Variants in RAB27B observed in about 807,000 individuals in gnomAD.
RAB27B encodes the protein ras-related protein Rab-27B.
RAB27B carries 15 observed loss-of-function variants against 24.6 expected under a neutral mutation model. The ratio of observed to expected loss-of-function variants is 0.61; its 90% CI spans 0.41 to 0.94. The LOEUF (loss-of-function observed/expected upper bound fraction) is 0.94. RAB27B is among the 40% of genes least tolerant of loss of function. The pLI is 0.00. For synonymous variants in RAB27B, 105 were observed against 92.5 expected (o/e 1.14, Z -0.78); for missense variants, 261 against 266.8 (o/e 0.98, Z 0.15).
At chr18:54,776,815 T>G (rs1226422064) in intron 2 of RAB27B, among the ~76,000 whole-genome samples, 1 of 152,090 alleles carries the variant, frequency 6.6e-6, no homozygotes, top group African/African-American at 2.4e-5. Flanking sequence ...TCCCAGCACT[T>G]TGGGAGGCCA....
chr18:54,723,167 G>A (rs563091657), intron 2 of RAB27B, among the ~76,000 whole-genome samples: 7 of 152,188 alleles, frequency 4.6e-5, no homozygotes, highest in African/African-American at 1.4e-4. Flanking sequence ...AAGAGCAAAG[G>A]CTCTTGCTGG....
At chr18:54,793,439 A>T (rs1022876884) in intron 2 of RAB27B, among the ~76,000 whole-genome samples, 2 of 152,208 alleles carry the variant, frequency 1.3e-5, no homozygotes, top group Non-Finnish European at 2.9e-5. Context: ...GATAGGCGAT[A>T]AAGGACAAGA....
At chr18:54,784,259 T>G (rs535690018) in intron 2 of RAB27B, among the ~76,000 whole-genome samples, 140 of 152,366 alleles carry the variant, frequency 9.2e-4, no homozygotes, top group African/African-American at 3.2e-3. Flanking sequence ...CCATCATAAC[T>G]GGCCTTCACC....
chr18:54,874,665 A>G (rs74912243), intron 1 of RAB27B, among the ~76,000 whole-genome samples: 3,258 of 152,256 alleles, frequency 0.021, 117 homozygotes, highest in African/African-American at 0.073. Flanking sequence ...ACGAAATCCA[A>G]TGTCTTCAAT....
Position 54,728,481 on chromosome 18 carries a change from C to G in RAB27B, c.-20+10340C>G, listed in dbSNP as rs747095749. On this transcript the variant is annotated intron_variant, in intron 2 of 4. Coordinates refer to the RAB27B transcript ENST00000586570. ...TTAAATCTCTCAGAAATAGAGCAAACTGGGAAAATTATCAAGTGAAAACTA... is the reference window on the plus strand; with the variant it reads ...TTAAATCTCTCAGAAATAGAGCAAAGTGGGAAAATTATCAAGTGAAAACTA... Among the ~76,000 whole-genome samples, 33 of 152,132 alleles carry G rather than the reference C, an allele frequency of 2.2e-4. 1 individual carries two copies. Among genetic ancestry groups the G allele is most frequent in the Non-Finnish European group, 4.1e-4 (28 of 68,032 alleles).
chr18:54,807,375 C>G (rs998358457), intron 2 of RAB27B, among the ~76,000 whole-genome samples: 2 of 152,144 alleles, frequency 1.3e-5, no homozygotes, highest in African/African-American at 4.8e-5. Context: ...ATAAACCTTT[C>G]CTTGAGGGTT....
chr18:54,845,233 C>T (rs933903029), intron 1 of RAB27B, among the ~76,000 whole-genome samples: 3 of 151,702 alleles, frequency 2.0e-5, no homozygotes, highest in African/African-American at 7.3e-5. Context: ...ATGGTGAAAC[C>T]CCGTGTCTAC....
chr18:54,790,444 T>A (rs1350826807), intron 2 of RAB27B, among the ~76,000 whole-genome samples: 1 of 152,172 alleles, frequency 6.6e-6, no homozygotes, highest in African/African-American at 2.4e-5. Context: ...GAAGGTTGAC[T>A]ACATAAAAGT....
At chr18:54,796,169 G>A (rs1909412165) in intron 2 of RAB27B, among the ~76,000 whole-genome samples, 1 of 152,112 alleles carries the variant, frequency 6.6e-6, no homozygotes, top group Non-Finnish European at 1.5e-5. Context: ...ACCCCTGGAG[G>A]AAGCATGCAG....
chr18:54,777,868 C>G (rs200032989), intron 2 of RAB27B, among the ~76,000 whole-genome samples: 6 of 139,620 alleles, frequency 4.3e-5, no homozygotes, highest in African/African-American at 1.3e-4. Flanking sequence ...TCTCCCCCCC[C>G]ACCCCTTCTT....
chr18:54,856,778 C>T (rs541283526), intron 1 of RAB27B, among the ~76,000 whole-genome samples: 1 of 152,290 alleles, frequency 6.6e-6, no homozygotes, highest in Admixed American at 6.5e-5. Flanking sequence ...GTGCCCAATG[C>T]ATATTAGCAC....
At chr18:54,780,179 G>A (rs570214100) in intron 2 of RAB27B, among the ~76,000 whole-genome samples, 19 of 85,784 alleles carry the variant, frequency 2.2e-4, no homozygotes, top group South Asian at 8.0e-4. Flanking sequence ...CCCCCTCACC[G>A]TGTCTCCCCT....
Position 54,845,540 on chromosome 18 carries a change from AT to A in RAB27B, c.-20+16841del, listed in dbSNP as rs1354094602. On this transcript the variant is annotated intron_variant, in intron 1 of 5. Transcript: ENST00000262094. ...AAAAAGAAAATTGTGAAATAAGTTA[AT>A]ACCGTCTCGTTTTTAGCCTCACCTT... 3.9e-5 allele frequency among the ~76,000 whole-genome samples: 6 copies of A among 152,140 alleles called. No homozygotes were observed. In the East Asian group the frequency reaches 7.7e-4, roughly 20 times the overall value.
At chr18:54,723,043 G>A (rs1259408102) in intron 2 of RAB27B, among the ~76,000 whole-genome samples, 1 of 152,200 alleles carries the variant, frequency 6.6e-6, no homozygotes, top group Non-Finnish European at 1.5e-5. Flanking sequence ...GATGGGTTTG[G>A]ACTTGATTGA....
At position 54,894,822 on chromosome 18, in the gene RAB27B, TATAAA is replaced by T. The variant is rs1913505723; in HGVS notation, c.*5411_*5415del. On this transcript the variant is annotated 3_prime_UTR_variant, in exon 6 of 6. Coordinates refer to ENST00000262094, the MANE Select transcript of RAB27B (RefSeq NM_004163.4). ...CACAGTTGTAATTTAAACTGCTTGA[TATAAA>T]AAGAGGTATCATAGCAGGGAAAACA... is the stretch of plus-strand genomic sequence containing the variant. 6.6e-6 allele frequency: 1 copy of T among 152,068 alleles called. No homozygotes were observed. Among genetic ancestry groups the T allele is most frequent in the Admixed American group, 6.6e-5 (1 of 15,254 alleles). 9.4% of individuals were successfully genotyped at this position (152,068 alleles called of 1,614,324 possible).
intron 2 of RAB27B, among the ~76,000 whole-genome samples, chr18:54,723,613 T>C (rs1301790121): frequency 6.6e-6 from 1 of 152,030 alleles, no homozygotes; most frequent in African/African-American, 2.4e-5. Flanking sequence ...AAACAATAGA[T>C]AGCTAGAGAA....
chr18:54,763,781 G>A (rs1908272686), intron 2 of RAB27B, among the ~76,000 whole-genome samples: 1 of 152,106 alleles, frequency 6.6e-6, no homozygotes. Flanking sequence ...TCCATTTTAA[G>A]TACTAAAGTC....
At chr18:54,740,019 G>A (rs1250785995) in intron 2 of RAB27B, among the ~76,000 whole-genome samples, 2 of 152,108 alleles carry the variant, frequency 1.3e-5, no homozygotes, top group Non-Finnish European at 2.9e-5. Context: ...TTGCAAATAT[G>A]TTCTTCTCTC....
chr18:54,733,650 G>GGCCCCCCCC (rs1909794792), intron 2 of RAB27B, among the ~76,000 whole-genome samples: 1 of 92,242 alleles, frequency 1.1e-5, no homozygotes, highest in Non-Finnish European at 2.3e-5. Flanking sequence ...CTGTTCTAGA[G>GGCCCCCCCC]CCCCCCCCCC....
Sources: gnomAD v4.1 joint callset for allele counts (sites outside exome capture counted in the v4.1 genomes callset) on GRCh38, gnomAD v4.1.1 for gene constraint, MANE v1.5 for transcripts, NCBI Gene and HGNC (gene_info 2026-07-23, HGNC 2026-07-21) for gene names.